Variants in FXR1 observed in about 807,000 individuals in gnomAD.
The protein encoded by FXR1 is FMR1 autosomal homolog 1.
FXR1 carries 15 observed loss-of-function variants against 84.0 expected under a neutral mutation model. That is an observed-to-expected ratio of 0.18 (90% CI 0.12 to 0.27). FXR1 has a LOEUF of 0.27. FXR1 is among the 10% of genes least tolerant of loss of function. The probability of loss-of-function intolerance (pLI) is 1.00; values close to 1 mark genes in which losing one functional copy is unlikely to be tolerated. For synonymous variants in FXR1, 245 were observed against 250.7 expected (o/e 0.98, Z 0.21); for missense variants, 480 against 774.4 (o/e 0.62, Z 4.51).
chr3:180,945,420 C>T (rs186612206), intron 3 of FXR1, among the ~76,000 whole-genome samples: 48 of 151,848 alleles, frequency 3.2e-4, no homozygotes, highest in Middle Eastern at 6.8e-3. Context: ...TTTTTTTTCC[C>T]CCTGGACAGG....
rs1168306019 is a variant in FXR1, at chr3:180,963,177, A to AG, written c.1198+88dup. 4 of 638,754 alleles carry AG rather than the reference A, an allele frequency of 6.3e-6. No homozygotes were observed. In the Admixed American group the frequency reaches 1.1e-4, roughly 18 times the overall value. The allele number at this position is 638,754 out of a possible 1,614,324, so 39.6% of individuals were successfully genotyped here. On this transcript the variant is annotated intron_variant, in intron 13 of 16. Transcript: ENST00000357559. ...TGCTCTAACACATTTTCTTATAATT[A>AG]GTTCATTACTCTGTCTTGGCTTTGA...
At position 180,951,451 on chromosome 3, in the gene FXR1, T is replaced by G; in HGVS notation, c.784T>G (p.Phe262Val). The change falls in exon 8 of 17, where the codon TTC (phenylalanine) becomes GTC (valine). Residue 262 changes from phenylalanine to valine, a missense_variant. Phe to Val is a conservative substitution (Grantham distance 50, BLOSUM62 -1). Transcript: ENST00000357559. The stretch of plus-strand genomic sequence containing the variant: ...TGAGCTAGATGAAGATACTGGAACA[T>G]TCAGAATCTACGGAGAGGTAAGTTC... ...AIELDEDTGT[F>V]RIYGESADAV... The G allele has an allele frequency of 6.2e-7, 1 of 1,612,414 alleles. No individual in the cohort carries two copies. The highest frequency in any genetic ancestry group is 8.5e-7 in the Non-Finnish European group (1 of 1,178,894).
intron 1 of FXR1, among the ~76,000 whole-genome samples, chr3:180,921,505 G>A (rs1459000142): frequency 6.6e-6 from 1 of 152,078 alleles, no homozygotes; most frequent in Non-Finnish European, 1.5e-5. Context: ...TAGTTGCGTA[G>A]ATCTTTTTAA....
chr3:180,962,808 C>CAGCTTT, intron 11 of FXR1, 75 bp from the exon 12 acceptor site: 1 of 959,228 alleles, frequency 1.0e-6, no homozygotes, highest in South Asian at 1.4e-5. Context: ...ATAGGGAGTA[C>CAGCTTT]AGCTTTAGCT....
intron 14 of FXR1, among the ~76,000 whole-genome samples, chr3:180,968,577 T>A (rs6763069): frequency 0.73 from 111,091 of 152,026 alleles, 41,819 homozygotes; most frequent in African/African-American, 0.93. Context: ...GGGGTTATGT[T>A]TTTTTGTTTG....
At chr3:180,962,092 T>C (rs1712195526) in intron 11 of FXR1, among the ~76,000 whole-genome samples, 1 of 152,190 alleles carries the variant, frequency 6.6e-6, no homozygotes, top group Non-Finnish European at 1.5e-5. Flanking sequence ...TAGAAAAATA[T>C]GACCCATAAA....
intron 1 of FXR1, among the ~76,000 whole-genome samples, chr3:180,931,182 C>A (rs1027285213): frequency 6.6e-6 from 1 of 151,992 alleles, no homozygotes; most frequent in Non-Finnish European, 1.5e-5. Flanking sequence ...TAATAAATAT[C>A]TCCAGAATTG....
At position 180,936,215 on chromosome 3, in the gene FXR1, A is replaced by G. The variant is rs576274713; in HGVS notation, c.198+984A>G. On this transcript the variant is annotated intron_variant, in intron 3 of 16. Coordinates refer to ENST00000357559, the MANE Select transcript of FXR1 (RefSeq NM_005087.4). ...CCATTTACAAACATTTTAAACTTACATATTCTGTACTAAGCACTTTGCAAA... is the reference window on the plus strand; with the variant it reads ...CCATTTACAAACATTTTAAACTTACGTATTCTGTACTAAGCACTTTGCAAA... Among the ~76,000 whole-genome samples, 191 of 150,814 alleles carry G rather than the reference A, an allele frequency of 1.3e-3. 2 individuals carry two copies. The highest frequency in any genetic ancestry group is 4.5e-3 in the African/African-American group (184 of 41,048).
chr3:180,917,817 C>T (rs1399445380), intron 1 of FXR1, among the ~76,000 whole-genome samples: 1 of 151,748 alleles, frequency 6.6e-6, no homozygotes, highest in Non-Finnish European at 1.5e-5. Context: ...TGTGGTGGCA[C>T]GCGCCTGTAG....
intron 11 of FXR1, among the ~76,000 whole-genome samples, chr3:180,962,318 G>A (rs1712225330): frequency 6.6e-6 from 1 of 152,152 alleles, no homozygotes; most frequent in African/African-American, 2.4e-5. Flanking sequence ...CGCAATTAAA[G>A]CTGGCATTTT....
chr3:180,951,179 C>T (rs1315330934), intron 7 of FXR1, 119 bp from the exon 8 acceptor site: 6 of 617,936 alleles, frequency 9.7e-6, no homozygotes, highest in Admixed American at 8.6e-5. Context: ...GCCATGATCA[C>T]GCCACTGCAC....
chr3:180,943,151 G>A (rs943919174), intron 3 of FXR1, among the ~76,000 whole-genome samples: 5 of 151,530 alleles, frequency 3.3e-5, no homozygotes, highest in African/African-American at 1.2e-4. Context: ...ATTTTTAGTA[G>A]AGACGGGGTT....
rs570008656 is a variant in FXR1, at chr3:180,953,972, ACTT to A, written c.880+136_880+138del. 695 of 570,774 alleles carry A rather than the reference ACTT, an allele frequency of 1.2e-3. 1 individual carries two copies. The highest frequency in any genetic ancestry group is 0.012 in the African/African-American group (626 of 52,242). 35.4% of individuals were successfully genotyped at this position (570,774 alleles called of 1,614,324 possible). ...TGTGTAGATTTATTTAGATAGCAAT[ACTT>A]CTTTTCTTTTTTTGGTGATAACATT... On this transcript the variant is annotated intron_variant, in intron 9 of 16. Coordinates refer to ENST00000357559, the MANE Select transcript of FXR1 (RefSeq NM_005087.4).
At position 180,976,194 on chromosome 3, in the gene FXR1, G is replaced by A. The variant is rs148795102; in HGVS notation, c.1768G>A (p.Asp590Asn). Residue 590 changes from aspartate (D) to asparagine (N), a missense_variant, in exon 17 of 17, where the codon GAC becomes AAC. This residue lies in a region of FXR1 where 94 missense variants were observed against 81.8 expected (regional missense o/e 1.15). Coordinates refer to ENST00000357559, the MANE Select transcript of FXR1 (RefSeq NM_005087.4). ...CGGCCCAACTAGTGCTTCTGGCGAT[G>A]ACATTTCTAAGCTACAGCGTACTCC... is the stretch of plus-strand genomic sequence containing the variant. ...INGPTSASGD[D>N]ISKLQRTPGE... is the part of the protein sequence containing the mutation. 2.5e-6 allele frequency: 4 copies of A among 1,612,686 alleles called. No individual in the cohort carries two copies. The African/African-American group carries it at 5.3e-5, about 22-fold the overall frequency.
intron 9 of FXR1, among the ~76,000 whole-genome samples, chr3:180,955,265 C>T (rs964115437): frequency 1.3e-5 from 2 of 152,084 alleles, no homozygotes; most frequent in Non-Finnish European, 2.9e-5. Flanking sequence ...TCCCAAAGTG[C>T]TGGGATTACA....
chr3:180,934,698 A>T (rs1189952616), intron 2 of FXR1, among the ~76,000 whole-genome samples: 1 of 152,222 alleles, frequency 6.6e-6, no homozygotes, highest in African/African-American at 2.4e-5. Flanking sequence ...GTTTTGTAAT[A>T]TATGAAATTG....
intron 1 of FXR1, among the ~76,000 whole-genome samples, chr3:180,927,193 G>T (rs1319898427): frequency 6.6e-6 from 1 of 151,948 alleles, no homozygotes; most frequent in African/African-American, 2.4e-5. Context: ...ATATGAATTG[G>T]CAAAAGTATT....
intron 14 of FXR1, among the ~76,000 whole-genome samples, chr3:180,968,817 T>C (rs1431690859): frequency 6.6e-6 from 1 of 152,184 alleles, no homozygotes; most frequent in Non-Finnish European, 1.5e-5. Context: ...ACTTAATTAC[T>C]TCTGTCTTCT....
intron 2 of FXR1, 76 bp downstream of exon 2, chr3:180,933,462 C>A: frequency 1.3e-6 from 1 of 786,410 alleles, no homozygotes; most frequent in Non-Finnish European, 2.3e-6. Context: ...GGTGTTCCTA[C>A]TGCCAGTGGA....
Sources: gnomAD v4.1 joint callset for allele counts (sites outside exome capture counted in the v4.1 genomes callset) on GRCh38, gnomAD v4.1.1 for gene constraint, gnomAD v4.1.1 regional missense constraint, MANE v1.5 for transcripts, NCBI Gene and HGNC (gene_info 2026-07-23, HGNC 2026-07-21) for gene names.